The following AATK variants were observed in gnomAD, a reference collection of about 807,000 sequenced individuals.
The protein encoded by AATK is lemur tail kinase 1.
In AATK, 91 loss-of-function variants were observed where a neutral mutation model predicts 114.3. The observed-to-expected ratio is 0.80, with a 90% CI of 0.67 to 0.95. The LOEUF (loss-of-function observed/expected upper bound fraction) is 0.95, where lower values mean the gene tolerates loss of function less well. AATK is among the 40% of genes least tolerant of loss of function. The pLI is 0.00. For synonymous variants in AATK, 1,075 were observed against 916.5 expected, an observed-to-expected ratio of 1.17 and a Z score of -3.12; for missense variants, 2,176 against 1,965.2, an observed-to-expected ratio of 1.11 and a Z score of -2.03.
Position 81,121,605 on chromosome 17 carries a change from C to G in AATK, c.2331G>C (p.Gln777His), listed in dbSNP as rs765873050. 1.3e-6 allele frequency: 2 copies of G among 1,497,532 alleles called. No individual in the cohort carries two copies. Among genetic ancestry groups the G allele is most frequent in the Admixed American group, 4.7e-5 (2 of 42,610 alleles). 92.8% of individuals were successfully genotyped at this position (1,497,532 alleles called of 1,614,324 possible). Residue 777 changes from glutamine to histidine, a missense_variant, in exon 11 of 14, where the codon CAG becomes CAC. Around this residue, in one of 4 missense-constraint regions of AATK, gnomAD observed 1,701 missense variants for 1,394.7 expected, o/e 1.22. Transcript: ENST00000326724. ...ETASSGGDHP[Q>H]AEPKLATEAE... ...CCTCCGTGGCAAGCTTGGGCTCTGC[C>G]TGCGGGTGGTCACCCCCACTACTGG... is the stretch of plus-strand genomic sequence containing the variant.
intron 1 of AATK, among the ~76,000 whole-genome samples, chr17:81,157,081 G>A (rs913308556): frequency 2.0e-5 from 3 of 152,198 alleles, no homozygotes; most frequent in African/African-American, 7.2e-5. Flanking sequence ...CCAGACAGAT[G>A]TGGGCACCAT....
rs745760208 is a variant in AATK at position 81,120,349 on chromosome 17, A to T, written c.3587T>A (p.Val1196Glu). The change falls in exon 11 of 14, where the codon GTG becomes GAG. Residue 1196 changes from valine to glutamate, a missense_variant. Transcript: ENST00000326724. ...DSEEEAPAVP[V>E]VVAESQSARN... ...CGCGCTCTGGCTCTCAGCCACCACC[A>T]CGGGCACCGCCGGCGCCTCCTCTTC... The T allele has an allele frequency of 3.1e-6, 5 of 1,609,974 alleles. No homozygotes were observed. Among genetic ancestry groups the T allele is most frequent in the Non-Finnish European group, 4.2e-6 (5 of 1,179,154 alleles).
chr17:81,131,003 A>T, intron 3 of AATK, 58 bp downstream of exon 3: 1 of 1,523,722 alleles, frequency 6.6e-7, no homozygotes, highest in Non-Finnish European at 8.8e-7. Context: ...GATCACACCC[A>T]ACGCCCAGCA....
intron 1 of AATK, among the ~76,000 whole-genome samples, chr17:81,154,319 CTTTTT>C (rs202002919): frequency 9.7e-5 from 11 of 113,772 alleles, no homozygotes; most frequent in African/African-American, 2.1e-4. Context: ...TTTTTTCTTT[CTTTTT>C]TTTTTTTTTT....
At chr17:81,146,940 T>C (rs2061228358) in intron 1 of AATK, among the ~76,000 whole-genome samples, 1 of 49,740 alleles carries the variant, frequency 2.0e-5, no homozygotes, top group South Asian at 4.2e-4. Context: ...TGTCTGGAAA[T>C]TTACACTAAG....
intron 3 of AATK, chr17:81,128,842 C>T (rs993793062): frequency 2.1e-5 from 25 of 1,206,828 alleles, no homozygotes; most frequent in African/African-American, 1.7e-4. Context: ...CAGCAGGGCC[C>T]GGAGCTCGAC....
At chr17:81,163,287 G>C (rs1342749571) in intron 1 of AATK, among the ~76,000 whole-genome samples, 4 of 152,198 alleles carry the variant, frequency 2.6e-5, no homozygotes, top group African/African-American at 9.7e-5. Flanking sequence ...AGGCTGGGGA[G>C]GGTGAGCAAC....
chr17:81,118,970 G>A (rs539480757), intron 13 of AATK, among the ~76,000 whole-genome samples: 32 of 152,332 alleles, frequency 2.1e-4, no homozygotes, highest in Middle Eastern at 3.4e-3. Context: ...GGCCGGGAGC[G>A]GTGGCTCAGG....
chr17:81,127,857 C>T lies in AATK; in HGVS notation c.468G>A (p.Lys156=). The T allele has an allele frequency of 6.5e-7, 1 of 1,549,304 alleles. No homozygotes were observed. Among genetic ancestry groups the T allele is most frequent in the East Asian group, 2.4e-5 (1 of 40,938 alleles). ...GCACGCTGGCACTAGCCTGCAGCTC[C>T]TTCACCACCACCTGGGCACTGCTGA... ...SGISSAQVVV[K]ELQASASVQE... Residue 156 remains lysine (K), a synonymous_variant, in exon 5 of 14, where the codon AAG becomes AAA. Coordinates refer to ENST00000326724, the MANE Select transcript of AATK (RefSeq NM_001080395.3).
intron 6 of AATK, 80 bp downstream of exon 6, chr17:81,127,503 G>T (rs563443062): frequency 9.1e-5 from 126 of 1,384,796 alleles, no homozygotes; most frequent in South Asian, 6.6e-4. Context: ...CCCAAGGAGG[G>T]GGTGGCACCA....
chr17:81,142,899 T>A (rs1347844889), intron 1 of AATK, among the ~76,000 whole-genome samples: 1 of 151,988 alleles, frequency 6.6e-6, no homozygotes, highest in Non-Finnish European at 1.5e-5. Context: ...CAGGTGGCAC[T>A]CTCAGCCATT....
At position 81,119,497 on chromosome 17, in the gene AATK, C is replaced by T. The variant is rs762246513; in HGVS notation, c.3967G>A (p.Ala1323Thr). 7.2e-6 allele frequency: 11 copies of T among 1,519,122 alleles called. No individual in the cohort carries two copies. In the African/African-American group the frequency reaches 8.7e-5, roughly 12 times the overall value. 94.1% of individuals were successfully genotyped at this position (1,519,122 alleles called of 1,614,324 possible). ...GGCGTGGGCGTGGGCGCAGCCGGGG[C>T]GGGTGCGGCCGGGTCTAGGGCCATG... is the stretch of plus-strand genomic sequence containing the variant. ...FAMALDPAAP[A>T]PAAPTPTPAP... Residue 1323 changes from alanine to threonine, a missense_variant, in exon 13 of 14, where the codon GCC becomes ACC. By Grantham distance (58) the Ala-to-Thr change is moderately conservative (BLOSUM62 0). Coordinates refer to ENST00000326724, the MANE Select transcript of AATK (RefSeq NM_001080395.3).
intron 3 of AATK, among the ~76,000 whole-genome samples, chr17:81,130,785 G>A (rs2060918956): frequency 1.3e-5 from 2 of 152,186 alleles, no homozygotes; most frequent in Non-Finnish European, 2.9e-5. Flanking sequence ...TTGGGCAGGG[G>A]AGGCTGGAGG....
At chr17:81,139,867 GCTT>G (rs749575595) in intron 1 of AATK, among the ~76,000 whole-genome samples, 9 of 152,176 alleles carry the variant, frequency 5.9e-5, no homozygotes, top group Non-Finnish European at 1.2e-4. Flanking sequence ...CCAGGCTGTG[GCTT>G]CTTAGGCCAC....
In AATK at chr17:81,120,031, G is replaced by A. The variant is rs1281366763; in HGVS notation, c.3788C>T (p.Pro1263Leu). The change falls in exon 12 of 14, where the codon CCC (proline) becomes CTC (leucine). Residue 1263 changes from proline to leucine, a missense_variant. Physicochemically the swap from Pro to Leu is moderately conservative, Grantham distance 98 (BLOSUM62 -3). Transcript: ENST00000326724. Reference sequence around the variant, plus strand: ...GGGGCTCCCCCTAAGGAACGTAGGGGGCGATTCCTTGGCGCCCGGGAAGGG... The same window carrying A: ...GGGGCTCCCCCTAAGGAACGTAGGGAGCGATTCCTTGGCGCCCGGGAAGGG... ...GEPFPGAKES[P>L]PTFLRGSPGS... is the part of the protein sequence containing the mutation. The A allele has an allele frequency of 2.1e-6, 3 of 1,454,052 alleles. No homozygotes were observed. Among genetic ancestry groups the A allele is most frequent in the East Asian group, 2.7e-5 (1 of 37,542 alleles). 90.1% of individuals were successfully genotyped at this position (1,454,052 alleles called of 1,614,324 possible).
intron 1 of AATK, among the ~76,000 whole-genome samples, chr17:81,155,463 T>G (rs975712783): frequency 6.6e-6 from 1 of 152,116 alleles, no homozygotes; most frequent in African/African-American, 2.4e-5. Context: ...CTTGGCTCAC[T>G]GCAACCTCCG....
Position 81,122,584 on chromosome 17 carries a change from TC to T in AATK, c.1351del (p.Glu451SerfsTer16). 6.9e-7 allele frequency: 1 copy of T among 1,449,968 alleles called. No homozygotes were observed. The highest frequency in any genetic ancestry group is 1.3e-5 in the South Asian group (1 of 77,498). 89.8% of individuals were successfully genotyped at this position (1,449,968 alleles called of 1,614,324 possible). On this transcript the variant is annotated frameshift_variant, in exon 11 of 14. Coordinates refer to ENST00000326724, the MANE Select transcript of AATK (RefSeq NM_001080395.3). LOFTEE classifies it high-confidence loss of function. ...GTGGAAGCCGTCGCCCGCGAACTGC[TC>T]CAGCAGCGGGAAGGACGAGGCAGCG... ...LAAASSFPLLEQFAGDGFHAD... is the reference protein window; with the variant it reads ...LAAASSFPLLXQFAGDGFHAD...
intron 1 of AATK, chr17:81,136,010 G>T (rs576366643): frequency 9.2e-5 from 14 of 152,374 alleles, no homozygotes; most frequent in African/African-American, 3.1e-4. Context: ...CTGCACACCG[G>T]GTAAGCCCCG....
At chr17:81,161,202 TGGA>T (rs1317832403) in intron 1 of AATK, among the ~76,000 whole-genome samples, 1 of 152,108 alleles carries the variant, frequency 6.6e-6, no homozygotes, top group African/African-American at 2.4e-5. Flanking sequence ...TTCTGGACAG[TGGA>T]GGAGGAAAGC....
Sources: allele counts gnomAD v4.1 joint callset (sites outside exome capture counted in the v4.1 genomes callset), GRCh38; gene constraint gnomAD v4.1.1; regional missense constraint gnomAD v4.1.1; transcripts MANE v1.5; gene names NCBI Gene and HGNC (gene_info 2026-07-23, HGNC 2026-07-21).